The following BCL9 variants were observed in gnomAD, a reference collection of about 807,000 sequenced individuals.
BCL9 encodes the protein BCL9 transcription coactivator.
Under a neutral mutation model 88.5 loss-of-function variants are expected in BCL9, and 25 were observed. The observed-to-expected ratio is 0.28, with a 90% confidence interval of 0.21 to 0.39. The LOEUF (loss-of-function observed/expected upper bound fraction) is 0.39. BCL9 is among the 10% of genes least tolerant of loss of function. The pLI is 1.00. For missense variants in BCL9, 1,817 were observed against 1,877.8 expected, an observed-to-expected ratio of 0.97 and a Z score of 0.60; for synonymous variants, 711 against 673.3, an observed-to-expected ratio of 1.06 and a Z score of -0.87.
intron 1 of BCL9, among the ~76,000 whole-genome samples, chr1:147,585,387 G>A (rs1272367791): frequency 2.0e-5 from 3 of 152,124 alleles, no homozygotes; most frequent in African/African-American, 7.2e-5. Flanking sequence ...GGTGTGACAT[G>A]TGACAAAGAG....
intron 1 of BCL9, among the ~76,000 whole-genome samples, chr1:147,581,585 G>A (rs1165480997): frequency 2.6e-5 from 4 of 152,170 alleles, no homozygotes; most frequent in African/African-American, 4.8e-5. Flanking sequence ...TTGCTGTAGG[G>A]TAGGAAAAAG....
At chr1:147,605,577 CAG>C (rs1387061345) in intron 2 of BCL9, among the ~76,000 whole-genome samples, 5 of 152,186 alleles carry the variant, frequency 3.3e-5, no homozygotes, top group African/African-American at 1.2e-4. Flanking sequence ...TAAAAGGTGA[CAG>C]AGGTATTTTT....
chr1:147,566,478 A>T (rs1398929548), intron 1 of BCL9, among the ~76,000 whole-genome samples: 1 of 152,194 alleles, frequency 6.6e-6, no homozygotes, highest in Non-Finnish European at 1.5e-5. Flanking sequence ...GGCCATGGCC[A>T]GGCGCGGTGG....
chr1:147,579,328 T>G (rs1656258545), intron 1 of BCL9, among the ~76,000 whole-genome samples: 1 of 152,214 alleles, frequency 6.6e-6, no homozygotes, highest in African/African-American at 2.4e-5. Flanking sequence ...GCATTTTGAT[T>G]TTTGGCATAT....
At chr1:147,593,731 T>C (rs1570874583) in intron 1 of BCL9, among the ~76,000 whole-genome samples, 1 of 152,184 alleles carries the variant, frequency 6.6e-6, no homozygotes, top group African/African-American at 2.4e-5. Context: ...GAAAACAGAA[T>C]TGAATGTTGG....
rs115955110 is a variant in BCL9 at position 147,571,331 on chromosome 1, C to T, written c.-478+29657C>T. Among the ~76,000 whole-genome samples the T allele has an allele frequency of 3.1e-3, 466 of 152,176 alleles. 1 individual carries two copies. The highest frequency in any genetic ancestry group is 0.011 in the African/African-American group (439 of 41,500). ...TCCAAATCCTTCCTTCCTTCTTGAGCCTTCTGGCCAACCATCACTGATACT... is the reference window on the plus strand; with the variant it reads ...TCCAAATCCTTCCTTCCTTCTTGAGTCTTCTGGCCAACCATCACTGATACT... On this transcript the variant is annotated intron_variant, in intron 1 of 9. Transcript: ENST00000234739.
intron 1 of BCL9, among the ~76,000 whole-genome samples, chr1:147,580,684 AG>A (rs1397342482): frequency 1.3e-5 from 2 of 152,202 alleles, no homozygotes; most frequent in South Asian, 2.1e-4. Context: ...GGAAAGGAAA[AG>A]CCCCTTTCCC....
chr1:147,605,456 T>G (rs1657646019), intron 2 of BCL9, among the ~76,000 whole-genome samples: 1 of 152,230 alleles, frequency 6.6e-6, no homozygotes, highest in Non-Finnish European at 1.5e-5. Context: ...GAAATAATAT[T>G]TTGGGTAGCC....
At chr1:147,592,824 T>C (rs1656902554) in intron 1 of BCL9, among the ~76,000 whole-genome samples, 1 of 152,202 alleles carries the variant, frequency 6.6e-6, no homozygotes, top group Admixed American at 6.5e-5. Flanking sequence ...CAGTCATTCA[T>C]TTATTCCCAC....
chr1:147,563,707 A>T (rs2101507447), intron 1 of BCL9, among the ~76,000 whole-genome samples: 1 of 152,338 alleles, frequency 6.6e-6, no homozygotes, highest in Non-Finnish European at 1.5e-5. Context: ...TTTAGCAGAA[A>T]TGCTACCACG....
In BCL9 at chr1:147,625,141, A is replaced by C. The variant is rs1452831059; in HGVS notation, c.*182A>C. ...GGATTTACCTGAAAACAAATTATTCATTTAATCAACAGGTGTGTTTTTTTT... is the reference window on the plus strand; with the variant it reads ...GGATTTACCTGAAAACAAATTATTCCTTTAATCAACAGGTGTGTTTTTTTT... On this transcript the variant is annotated 3_prime_UTR_variant, in exon 10 of 10. Coordinates refer to ENST00000234739, the MANE Select transcript of BCL9 (RefSeq NM_004326.4). 19 of 683,444 alleles carry C rather than the reference A, an allele frequency of 2.8e-5. No individual in the cohort carries two copies. The highest frequency in any genetic ancestry group is 4.2e-4 in the Middle Eastern group (1 of 2,370). 42.3% of individuals were successfully genotyped at this position (683,444 alleles called of 1,614,324 possible). A position where few individuals can be genotyped will look rare whatever the true frequency, so the allele number is the denominator to read the frequency against.
intron 6 of BCL9, 78 bp from the exon 7 acceptor site, chr1:147,615,725 G>A (rs1178024269): frequency 9.0e-6 from 10 of 1,116,654 alleles, no homozygotes; most frequent in East Asian, 2.4e-5. Flanking sequence ...AGTTTATTGT[G>A]TGGTTAAAGT....
chr1:147,611,913 T>TC, intron 4 of BCL9, 24 bp downstream of exon 4: 1 of 1,608,432 alleles, frequency 6.2e-7, no homozygotes, highest in East Asian at 2.2e-5. Flanking sequence ...TGGGGCCTCT[T>TC]CCTGCAGCCC....
intron 1 of BCL9, among the ~76,000 whole-genome samples, chr1:147,570,303 G>A (rs1553197223): frequency 6.6e-6 from 1 of 152,186 alleles, no homozygotes; most frequent in Non-Finnish European, 1.5e-5. Flanking sequence ...TAAGGAAAAG[G>A]AGAAAGATGG....
At chr1:147,572,521 C>T (rs1655931959) in intron 1 of BCL9, among the ~76,000 whole-genome samples, 1 of 152,132 alleles carries the variant, frequency 6.6e-6, no homozygotes, top group South Asian at 2.1e-4. Flanking sequence ...GGTGACCAGC[C>T]AGTATGCATT....
At chr1:147,565,812 G>A (rs587674181) in intron 1 of BCL9, among the ~76,000 whole-genome samples, 1 of 152,286 alleles carries the variant, frequency 6.6e-6, no homozygotes, top group Non-Finnish European at 1.5e-5. Context: ...TGTAGTAGGT[G>A]CCCAGTAGAT....
intron 1 of BCL9, among the ~76,000 whole-genome samples, chr1:147,595,456 A>C (rs587651481): frequency 6.6e-6 from 1 of 152,350 alleles, no homozygotes; most frequent in Admixed American, 6.5e-5. Flanking sequence ...AAAACAAAAT[A>C]GGTCATCTGG....
chr1:147,591,008 G>T (rs1553199843), intron 1 of BCL9, among the ~76,000 whole-genome samples: 1 of 152,136 alleles, frequency 6.6e-6, no homozygotes, highest in African/African-American at 2.4e-5. Flanking sequence ...AAGGAGAAAG[G>T]CAGTGCAGGA....
chr1:147,609,168 T>C (rs1356735018), intron 3 of BCL9, among the ~76,000 whole-genome samples: 3 of 152,194 alleles, frequency 2.0e-5, no homozygotes, highest in Non-Finnish European at 4.4e-5. Flanking sequence ...TCTCTCTGGC[T>C]ATAATGATTC....
Sources: gnomAD v4.1 joint callset for allele counts (sites outside exome capture counted in the v4.1 genomes callset) on GRCh38, gnomAD v4.1.1 for gene constraint, MANE v1.5 for transcripts, NCBI Gene and HGNC (gene_info 2026-07-23, HGNC 2026-07-21) for gene names.